The following TNFAIP8 variants were observed in gnomAD, a reference collection of about 807,000 sequenced individuals.
TNFAIP8 encodes the protein tumor necrosis factor alpha-induced protein 8.
TNFAIP8 carries 7 observed loss-of-function variants against 13.3 expected under a neutral mutation model. That is an observed-to-expected ratio of 0.52 (90% CI 0.30 to 0.99). TNFAIP8 has a LOEUF of 0.99. Ranked by LOEUF, TNFAIP8 falls within the 50% of genes least tolerant of loss-of-function variation. TNFAIP8 has a pLI of 0.07. For synonymous variants in TNFAIP8, 94 were observed against 87.6 expected, an observed-to-expected ratio of 1.07 and a Z score of -0.41; for missense variants, 258 against 236.9, an observed-to-expected ratio of 1.09 and a Z score of -0.58.
intron 1 of TNFAIP8, among the ~76,000 whole-genome samples, chr5:119,307,684 C>A (rs777261432): frequency 9.9e-5 from 15 of 152,130 alleles, no homozygotes; most frequent in Non-Finnish European, 1.9e-4. Context: ...GTCTTTTCCC[C>A]AAAAAATTCT....
rs78612066 is a variant in TNFAIP8 at position 119,313,433 on chromosome 5, T to C, written c.1+44526T>C. On this transcript the variant is annotated intron_variant, in intron 1 of 1. Transcript: ENST00000274456. ...GGAGTAGGTTTTGCTTTCACTTTCT[T>C]GAGACCACCATTGCCAGAGCTGCCA... is the stretch of plus-strand genomic sequence containing the variant. Among the ~76,000 whole-genome samples, 1,381 of 152,244 alleles carry C rather than the reference T, an allele frequency of 9.1e-3. 23 individuals are homozygous for C. The highest frequency in any genetic ancestry group is 0.05 in the South Asian group (242 of 4,814).
At chr5:119,345,053 G>T (rs1750854802) in intron 1 of TNFAIP8, among the ~76,000 whole-genome samples, 2 of 152,114 alleles carry the variant, frequency 1.3e-5, no homozygotes, top group Non-Finnish European at 2.9e-5. Flanking sequence ...TAGGACAAAA[G>T]AAATACTTAG....
intron 1 of TNFAIP8, among the ~76,000 whole-genome samples, chr5:119,270,003 C>G (rs1748230096): frequency 6.6e-6 from 1 of 152,146 alleles, no homozygotes; most frequent in South Asian, 2.1e-4. Context: ...TACTTTCTTG[C>G]TATGAAAGTA....
chr5:119,355,387 G>A, upstream of TNFAIP8: 1 of 702,392 alleles, frequency 1.4e-6, no homozygotes, highest in South Asian at 1.5e-5. Context: ...CTTTTGCTGT[G>A]CAAAGGTAAG....
chr5:119,311,427 C>G (rs1266615313), intron 1 of TNFAIP8, among the ~76,000 whole-genome samples: 2 of 151,982 alleles, frequency 1.3e-5, no homozygotes, highest in Admixed American at 1.3e-4. Flanking sequence ...CGTGGTGGCT[C>G]ACACCTGTAA....
At chr5:119,301,176 T>C (rs991368917) in intron 1 of TNFAIP8, among the ~76,000 whole-genome samples, 5 of 152,362 alleles carry the variant, frequency 3.3e-5, no homozygotes, top group East Asian at 1.9e-4. Context: ...CTTACGTTCC[T>C]ACAGATTAAA....
chr5:119,363,107 A>G (rs752791885), intron 1 of TNFAIP8, among the ~76,000 whole-genome samples: 8 of 152,192 alleles, frequency 5.3e-5, no homozygotes, highest in Non-Finnish European at 1.2e-4. Flanking sequence ...GGAAATAGAA[A>G]TGGAGTAGCT....
At chr5:119,359,964 A>C (rs1428501283) in intron 1 of TNFAIP8, among the ~76,000 whole-genome samples, 2 of 152,222 alleles carry the variant, frequency 1.3e-5, no homozygotes, top group African/African-American at 4.8e-5. Flanking sequence ...CTAAAAGTGG[A>C]AAATCCATTT....
chr5:119,349,049 C>CCCCACCTTTCCT (rs1342107191), intron 1 of TNFAIP8, among the ~76,000 whole-genome samples: 7 of 152,176 alleles, frequency 4.6e-5, no homozygotes, highest in African/African-American at 1.7e-4. Flanking sequence ...GCCACCTCAG[C>CCCCACCTTTCCT]CCCACCTTTC....
At chr5:119,337,864 G>T (rs1330220295) in intron 1 of TNFAIP8, among the ~76,000 whole-genome samples, 2 of 152,178 alleles carry the variant, frequency 1.3e-5, no homozygotes, top group African/African-American at 4.8e-5. Context: ...AAATCTTTCT[G>T]TTGGAATTCA....
At chr5:119,310,368 C>A (rs865914034) in intron 1 of TNFAIP8, among the ~76,000 whole-genome samples, 2 of 151,876 alleles carry the variant, frequency 1.3e-5, no homozygotes, top group African/African-American at 4.8e-5. Flanking sequence ...GGACAGTTAC[C>A]CCAGCAGGGA....
chr5:119,351,750 A>G (rs76453100), upstream of TNFAIP8, among the ~76,000 whole-genome samples: 2,336 of 142,754 alleles, frequency 0.016, 19 homozygotes, highest in Admixed American at 0.023. Flanking sequence ...AGTATATACA[A>G]TTTTCTTTTT....
intron 1 of TNFAIP8, among the ~76,000 whole-genome samples, chr5:119,298,724 C>T (rs1196806275): frequency 6.6e-6 from 1 of 152,048 alleles, no homozygotes; most frequent in African/African-American, 2.4e-5. Context: ...TTCCATTCTC[C>T]CCGTCACTTT....
chr5:119,357,708 A>T (rs889875141), intron 1 of TNFAIP8, among the ~76,000 whole-genome samples: 5 of 150,804 alleles, frequency 3.3e-5, no homozygotes, highest in Admixed American at 2.0e-4. Flanking sequence ...CTTGTTCCTC[A>T]CCTTCCCTCC....
At chr5:119,354,111 G>A (rs1406445512), upstream of TNFAIP8, among the ~76,000 whole-genome samples, 1 of 152,192 alleles carries the variant, frequency 6.6e-6, no homozygotes, top group African/African-American at 2.4e-5. Flanking sequence ...TTTGGGTTCA[G>A]AATCATCCTC....
intron 1 of TNFAIP8, among the ~76,000 whole-genome samples, chr5:119,346,984 T>C (rs1448340312): frequency 1.3e-5 from 2 of 152,204 alleles, no homozygotes; most frequent in Non-Finnish European, 2.9e-5. Flanking sequence ...ATTTTAAAAA[T>C]CCTCTTAGGA....
intron 1 of TNFAIP8, among the ~76,000 whole-genome samples, chr5:119,304,991 A>C (rs1459225258): frequency 6.6e-6 from 1 of 152,192 alleles, no homozygotes; most frequent in Non-Finnish European, 1.5e-5. Flanking sequence ...TCTGCTTGAC[A>C]TAAAGAGAAA....
At chr5:119,350,622 G>A (rs1751088026) in intron 1 of TNFAIP8, among the ~76,000 whole-genome samples, 1 of 152,220 alleles carries the variant, frequency 6.6e-6, no homozygotes, top group Non-Finnish European at 1.5e-5. Context: ...TAGGAAACAA[G>A]CACATCCCAG....
chr5:119,387,497 G>C (rs1169130793), intron 1 of TNFAIP8, among the ~76,000 whole-genome samples: 1 of 152,096 alleles, frequency 6.6e-6, no homozygotes, highest in African/African-American at 2.4e-5. Flanking sequence ...GTATTTACTG[G>C]TAAGACTGTA....
Sources: allele counts gnomAD v4.1 joint callset (sites outside exome capture counted in the v4.1 genomes callset), GRCh38; gene constraint gnomAD v4.1.1; transcripts MANE v1.5; gene names NCBI Gene and HGNC (gene_info 2026-07-23, HGNC 2026-07-21).